Variants in DDX39A observed in about 807,000 individuals in gnomAD.
DDX39A encodes DExD-box helicase 39A, also known as ATP-dependent RNA helicase DDX39A.
In DDX39A, 13 loss-of-function variants were observed where a neutral mutation model predicts 46.3. The observed-to-expected ratio is 0.28, with a 90% CI of 0.18 to 0.45. DDX39A has a LOEUF of 0.45. DDX39A is among the 20% of genes least tolerant of loss of function. The pLI is 1.00. For missense variants in DDX39A, 352 were observed against 581.8 expected (o/e 0.61, Z 4.06); for synonymous variants, 234 against 224.6 (o/e 1.04, Z -0.38).
In DDX39A at chr19:14,409,252, G is replaced by A. The variant is rs544169400; in HGVS notation, c.1119+51C>T. ...CAGGACTTGAGGAAAAGCAGGGCTG[G>A]GGCCCCACCCCACCGCCAGGGGAAA... On this transcript the variant is annotated intron_variant, in intron 9 of 10. Transcript: ENST00000242776. This position sits in a 1 kb window ranked among gnomAD's most constrained non-coding sequence, Gnocchi z 8.3. 2.6e-5 allele frequency: 42 copies of A among 1,612,934 alleles called. 1 individual carries two copies. The East Asian group carries it at 9.1e-4, about 35-fold the overall frequency.
At chr19:14,414,266 G>A (rs1976711036) in intron 1 of DDX39A, among the ~76,000 whole-genome samples, 1 of 151,734 alleles carries the variant, frequency 6.6e-6, no homozygotes, top group Non-Finnish European at 1.5e-5. Context: ...ATCCCACCAA[G>A]GCCCTCTGGC....
Position 14,411,267 on chromosome 19 carries a change from A to G in DDX39A, c.430-95T>C. 1 of 1,420,668 alleles carries G rather than the reference A, an allele frequency of 7.0e-7. No homozygotes were observed. The allele number at this position is 1,420,668 out of a possible 1,614,324, so 88.0% of individuals were successfully genotyped here. A position where few individuals can be genotyped will look rare whatever the true frequency, so the allele number is the denominator to read the frequency against. The stretch of plus-strand genomic sequence containing the variant: ...ACCTGCGAACAGGAGGCCTCAGGGG[A>G]CCAAGGCAGGCCTGAGAGCCTCCCG... On this transcript the variant is annotated intron_variant, in intron 4 of 10. Transcript: ENST00000242776. The surrounding 1 kb of genome is among the most constrained non-coding windows in gnomAD (Gnocchi z 4.1).
chr19:14,413,360 CCT>C, intron 1 of DDX39A, 136 bp from the exon 2 acceptor site: 2 of 731,712 alleles, frequency 2.7e-6, no homozygotes, highest in Non-Finnish European at 4.4e-6. Flanking sequence ...GCAGCTTCGC[CCT>C]GTCTCCACCT....
At position 14,411,233 on chromosome 19, in the gene DDX39A, C is replaced by T. The variant is rs547298868; in HGVS notation, c.430-61G>A. 1.2e-5 allele frequency: 18 copies of T among 1,503,272 alleles called. No individual in the cohort carries two copies. In the East Asian group the frequency reaches 1.6e-4, roughly 13 times the overall value. The allele number at this position is 1,503,272 out of a possible 1,614,324, so 93.1% of individuals were successfully genotyped here. On this transcript the variant is annotated intron_variant, in intron 4 of 10. Coordinates refer to ENST00000242776, the MANE Select transcript of DDX39A (RefSeq NM_005804.4). This position sits in a 1 kb window ranked among gnomAD's most constrained non-coding sequence, Gnocchi z 4.1. Reference sequence around the variant, plus strand: ...ACACGGCCCAAGGCCCCAACCTGCACGGCCCAGCACCTGCGAACAGGAGGC... The same window carrying T: ...ACACGGCCCAAGGCCCCAACCTGCATGGCCCAGCACCTGCGAACAGGAGGC...
At chr19:14,413,807 A>G (rs1976690035) in intron 1 of DDX39A, among the ~76,000 whole-genome samples, 1 of 152,146 alleles carries the variant, frequency 6.6e-6, no homozygotes, top group Non-Finnish European at 1.5e-5. Context: ...TGCTGGTGGG[A>G]ACTGAGTTTG....
chr19:14,414,946 AAAAAAAAAAAAG>A (rs1976746377), intron 1 of DDX39A, among the ~76,000 whole-genome samples: 1 of 151,506 alleles, frequency 6.6e-6, no homozygotes, highest in African/African-American at 2.4e-5. Context: ...TAAAAAAAAA[AAAAAAAAAAAAG>A]AAAAGCTTCA....
At position 14,411,003 on chromosome 19, in the gene DDX39A, A is replaced by G. The variant is rs757292248; in HGVS notation, c.599T>C (p.Met200Thr). The change falls in exon 5 of 11, where the codon ATG (methionine) becomes ACG (threonine). Residue 200 changes from methionine (M) to threonine (T), a missense_variant. Physicochemically the swap from Met to Thr is moderately conservative, Grantham distance 81. Transcript: ENST00000242776. This position sits in a 1 kb window ranked among gnomAD's most constrained non-coding sequence, Gnocchi z 4.1. ...AGAGGACTCACCCAGCTGCTCCAGC[A>G]TCTTGTCACACTCGTCCAGCACAAA... Reference protein sequence around the residue: ...KHFVLDECDKMLEQLDMRRDV... With the variant: ...KHFVLDECDKTLEQLDMRRDV... 1.3e-6 allele frequency: 2 copies of G among 1,581,262 alleles called. No individual in the cohort carries two copies. The highest frequency in any genetic ancestry group is 2.3e-5 in the South Asian group (2 of 87,586).
chr19:14,411,678 T>TC lies in DDX39A; in HGVS notation c.337-81dup, dbSNP rs1976597981. The TC allele has an allele frequency of 9.6e-6, 12 of 1,243,936 alleles. No individual in the cohort carries two copies. Among genetic ancestry groups the TC allele is most frequent in the Non-Finnish European group, 1.4e-5 (12 of 862,220 alleles). The allele number at this position is 1,243,936 out of a possible 1,614,324, so 77.1% of individuals were successfully genotyped here. On this transcript the variant is annotated intron_variant, in intron 3 of 10. Transcript: ENST00000242776. This position sits in a 1 kb window ranked among gnomAD's most constrained non-coding sequence, Gnocchi z 4.1. ...CCCCACCAGAGTCCACCCAACCCAG[T>TC]CCCCCTGACACTGCACCCAACATCA...
rs142952517 is a variant in DDX39A, at chr19:14,409,113, T to C, written c.1191A>G (p.Lys397=). The stretch of plus-strand genomic sequence containing the variant: ...ACCGGTCCTGGACGTCATTGAGGAT[T>C]TTGGCATCATTCTCGTCAGACACAA... The part of the protein sequence containing the change: ...ITFVSDENDA[K]ILNDVQDRFE... The change falls in exon 10 of 11, where the codon AAA becomes AAG. Residue 397 remains lysine, a synonymous_variant. Coordinates refer to ENST00000242776, the MANE Select transcript of DDX39A (RefSeq NM_005804.4). The surrounding 1 kb of genome is among the most constrained non-coding windows in gnomAD (Gnocchi z 8.3). 54 of 1,614,192 alleles carry C rather than the reference T, an allele frequency of 3.3e-5. No individual in the cohort carries two copies. In the African/African-American group the frequency reaches 7.2e-4, roughly 22 times the overall value.
At position 14,410,385 on chromosome 19, in the gene DDX39A, A is replaced by AC. The variant is rs760304195; in HGVS notation, c.614-52dup. On this transcript the variant is annotated intron_variant, in intron 5 of 10. Coordinates refer to ENST00000242776, the MANE Select transcript of DDX39A (RefSeq NM_005804.4). The surrounding 1 kb of genome is among the most constrained non-coding windows in gnomAD (Gnocchi z 4.3). ...TGGGCATGAGCGTCTGCCATGCAGG[A>AC]CCCCCACCCCAGACCAGACCCAGAC... The AC allele has an allele frequency of 6.6e-7, 1 of 1,514,974 alleles. No individual in the cohort carries two copies. Among genetic ancestry groups the AC allele is most frequent in the African/African-American group, 1.4e-5 (1 of 72,780 alleles). 93.8% of individuals were successfully genotyped at this position (1,514,974 alleles called of 1,614,324 possible). A position where few individuals can be genotyped will look rare whatever the true frequency, so the allele number is the denominator to read the frequency against.
In DDX39A at chr19:14,409,343, T is replaced by G. The variant is rs763639317; in HGVS notation, c.1079A>C (p.Asn360Thr). 6.2e-7 allele frequency: 1 copy of G among 1,614,204 alleles called. No individual in the cohort carries two copies. Among genetic ancestry groups the G allele is most frequent in the Non-Finnish European group, 8.5e-7 (1 of 1,180,040 alleles). Residue 360 changes from asparagine to threonine, a missense_variant, in exon 9 of 11, where the codon AAC becomes ACC. By Grantham distance (65) the Asn-to-Thr change is moderately conservative. This residue lies in a region of DDX39A where 301 missense variants were observed against 469.9 expected (regional missense o/e 0.64). Coordinates refer to ENST00000242776, the MANE Select transcript of DDX39A (RefSeq NM_005804.4). The surrounding 1 kb of genome is among the most constrained non-coding windows in gnomAD (Gnocchi z 8.3). ...GTCCGAGTCCTCAGGCATGTCGTAG[T>G]TAAAGACGATGTTGACTCGCTCGAT... ...MDIERVNIVFNYDMPEDSDTY... is the reference protein window; with the variant it reads ...MDIERVNIVFTYDMPEDSDTY...
Position 14,410,826 on chromosome 19 carries a change from C to T in DDX39A, c.613+163G>A. ...CCCGTGGTCCCATTCGGCTCGGGCT[C>T]AGAAACAGCACATCCCTCTGCCAGC... On this transcript the variant is annotated intron_variant, in intron 5 of 10. Coordinates refer to ENST00000242776, the MANE Select transcript of DDX39A (RefSeq NM_005804.4). This position sits in a 1 kb window ranked among gnomAD's most constrained non-coding sequence, Gnocchi z 4.3. 2 of 688,674 alleles carry T rather than the reference C, an allele frequency of 2.9e-6. No homozygotes were observed. The highest frequency in any genetic ancestry group is 2.3e-5 in the South Asian group (1 of 44,030). The allele number at this position is 688,674 out of a possible 1,614,324, so 42.7% of individuals were successfully genotyped here.
intron 1 of DDX39A, among the ~76,000 whole-genome samples, chr19:14,413,600 C>A (rs184174422): frequency 2.0e-5 from 3 of 152,302 alleles, no homozygotes; most frequent in Admixed American, 1.3e-4. Flanking sequence ...AGCCTTTGAA[C>A]CTGGCTGTCA....
At position 14,410,506 on chromosome 19, in the gene DDX39A, G is replaced by A. The variant is rs1186987094; in HGVS notation, c.614-172C>T. On this transcript the variant is annotated intron_variant, in intron 5 of 10. Coordinates refer to ENST00000242776, the MANE Select transcript of DDX39A (RefSeq NM_005804.4). This position sits in a 1 kb window ranked among gnomAD's most constrained non-coding sequence, Gnocchi z 4.3. ...CCTGGTGCCTGAGGGGCTGGGGGGT[G>A]GCCAGCGAGCGCAGGCGCGGGAGGA... The A allele has an allele frequency of 3.1e-6, 2 of 636,868 alleles. No homozygotes were observed. Among genetic ancestry groups the A allele is most frequent in the Non-Finnish European group, 5.6e-6 (2 of 357,786 alleles). 39.5% of individuals were successfully genotyped at this position (636,868 alleles called of 1,614,324 possible). A position where few individuals can be genotyped will look rare whatever the true frequency, so the allele number is the denominator to read the frequency against.
Position 14,412,901 on chromosome 19 carries a change from A to G in DDX39A, c.208+112T>C. The G allele has an allele frequency of 7.4e-7, 1 of 1,342,740 alleles. No homozygotes were observed. The highest frequency in any genetic ancestry group is 1.4e-5 in the South Asian group (1 of 72,760). 83.2% of individuals were successfully genotyped at this position (1,342,740 alleles called of 1,614,324 possible). A position where few individuals can be genotyped will look rare whatever the true frequency, so the allele number is the denominator to read the frequency against. On this transcript the variant is annotated intron_variant, in intron 2 of 10. Transcript: ENST00000242776. The surrounding 1 kb of genome is among the most constrained non-coding windows in gnomAD (Gnocchi z 4.4). ...TGGGCACAACTGATCCGCGGGACAG[A>G]CGGGCCCCTCCCTCACCCACGGCAA...
chr19:14,416,308 G>A (rs901580295), intron 1 of DDX39A: 1 of 152,236 alleles, frequency 6.6e-6, no homozygotes, highest in Non-Finnish European at 1.5e-5. Flanking sequence ...TGCCTGGAAG[G>A]GTCACAAATC....
In DDX39A at chr19:14,411,730, T is replaced by C; in HGVS notation, c.337-132A>G. On this transcript the variant is annotated intron_variant, in intron 3 of 10. Transcript: ENST00000242776. The surrounding 1 kb of genome is among the most constrained non-coding windows in gnomAD (Gnocchi z 4.1). ...AGGCCATTTGAAGGCCCGGTCCAAA[T>C]GCCTCCCACTTCTCACGGCCCTTCC... The C allele has an allele frequency of 2.8e-6, 2 of 726,870 alleles. No individual in the cohort carries two copies. Among genetic ancestry groups the C allele is most frequent in the Admixed American group, 2.2e-5 (1 of 44,990 alleles). 45.0% of individuals were successfully genotyped at this position (726,870 alleles called of 1,614,324 possible).
At chr19:14,414,370 ATT>A (rs1194721249) in intron 1 of DDX39A, among the ~76,000 whole-genome samples, 35 of 132,996 alleles carry the variant, frequency 2.6e-4, no homozygotes, top group Admixed American at 6.1e-4. Context: ...TATTATTATT[ATT>A]GAGATGAAGT....
chr19:14,415,039 G>A (rs1393061648), intron 1 of DDX39A, among the ~76,000 whole-genome samples: 1 of 151,170 alleles, frequency 6.6e-6, no homozygotes, highest in African/African-American at 2.4e-5. Context: ...TGTAGTCACA[G>A]ACATGTGCAA....
Sources: allele counts gnomAD v4.1 joint callset (sites outside exome capture counted in the v4.1 genomes callset), GRCh38; gene constraint gnomAD v4.1.1; regional missense constraint gnomAD v4.1.1; non-coding constraint Gnocchi (gnomAD v3.1); transcripts MANE v1.5; gene names NCBI Gene and HGNC (gene_info 2026-07-23, HGNC 2026-07-21).